The following NFIA variants were observed in gnomAD, a reference collection of about 807,000 sequenced individuals.
The protein encoded by NFIA is nuclear factor I A.
In NFIA, 8 loss-of-function variants were observed where a neutral mutation model predicts 62.8. That is an observed-to-expected ratio of 0.13 (90% CI 0.07 to 0.23). The LOEUF (loss-of-function observed/expected upper bound fraction) is 0.23, where lower values mean the gene tolerates loss of function less well. NFIA is among the 10% of genes least tolerant of loss of function. NFIA has a pLI of 1.00. For missense variants in NFIA, 410 were observed against 642.1 expected, an observed-to-expected ratio of 0.64 and a Z score of 3.91; for synonymous variants, 235 against 238.1, an observed-to-expected ratio of 0.99 and a Z score of 0.12.
chr1:61,237,883 G>T (rs747425004), intron 2 of NFIA, among the ~76,000 whole-genome samples: 1 of 152,188 alleles, frequency 6.6e-6, no homozygotes, highest in Non-Finnish European at 1.5e-5. Context: ...AGATAGTTCT[G>T]TGAGTCAGAA....
intron 2 of NFIA, among the ~76,000 whole-genome samples, chr1:61,216,445 A>C (rs1009071842): frequency 1.3e-5 from 2 of 152,152 alleles, no homozygotes; most frequent in African/African-American, 4.8e-5. Flanking sequence ...TAAAAGGTAG[A>C]TGCAGTCTCA....
rs543908341 is a variant in NFIA at position 61,102,460 on chromosome 1, G to GTTTTT, written c.559+13781_559+13785dup. ...GCTTAAAAAATTTGAAAATCTCTCT[G>GTTTTT]TTTTTGCTACTAAATCTTTAGAACC... is the stretch of plus-strand genomic sequence containing the variant. On this transcript the variant is annotated intron_variant, in intron 2 of 10. Transcript: ENST00000403491. Among the ~76,000 whole-genome samples the GTTTTT allele has an allele frequency of 5.5e-4, 84 of 152,094 alleles. 1 individual carries two copies. The highest frequency in any genetic ancestry group is 2.0e-3 in the African/African-American group (83 of 41,518).
intron 2 of NFIA, among the ~76,000 whole-genome samples, chr1:61,166,834 A>G (rs1416835346): frequency 6.6e-6 from 1 of 152,196 alleles, no homozygotes; most frequent in Non-Finnish European, 1.5e-5. Context: ...TTGTACTTAA[A>G]GAACTTACAT....
rs147133377 is a variant in NFIA at position 61,336,498 on chromosome 1, T to G, written c.700+3912T>G. 3.6e-3 allele frequency among the ~76,000 whole-genome samples: 543 copies of G among 152,322 alleles called. 5 individuals carry two copies. Among genetic ancestry groups the G allele is most frequent in the African/African-American group, 0.013 (523 of 41,576 alleles). On this transcript the variant is annotated intron_variant, in intron 4 of 10. Coordinates refer to ENST00000403491, the MANE Select transcript of NFIA (RefSeq NM_001134673.4). ...TGTTAGTGTGGTACATTTGTTAAAATTCATGAGCCAGTATTGACGCATAAT... is the reference window on the plus strand; with the variant it reads ...TGTTAGTGTGGTACATTTGTTAAAAGTCATGAGCCAGTATTGACGCATAAT...
chr1:61,392,530 A>G (rs1449002394), intron 7 of NFIA, among the ~76,000 whole-genome samples: 2 of 152,180 alleles, frequency 1.3e-5, no homozygotes, highest in African/African-American at 4.8e-5. Context: ...AGCCACCCTC[A>G]TAAAGAGCCA....
At chr1:61,233,099 CT>C (rs1654778216) in intron 2 of NFIA, among the ~76,000 whole-genome samples, 1 of 152,094 alleles carries the variant, frequency 6.6e-6, no homozygotes, top group Non-Finnish European at 1.5e-5. Flanking sequence ...AATGTTCTTT[CT>C]TTTTTCCCCC....
chr1:61,408,446 A>T (rs577870523), intron 9 of NFIA, among the ~76,000 whole-genome samples: 1 of 152,326 alleles, frequency 6.6e-6, no homozygotes, highest in East Asian at 1.9e-4. Context: ...CTCTACTTAC[A>T]TCTGTTCCTT....
At chr1:61,436,279 CA>C (rs1272067216) in intron 10 of NFIA, among the ~76,000 whole-genome samples, 2 of 152,068 alleles carry the variant, frequency 1.3e-5, no homozygotes, top group Admixed American at 1.3e-4. Context: ...CCTGGTTTTG[CA>C]GAGCTTGAGT....
At chr1:61,093,451 A>AT (rs1387484139) in intron 2 of NFIA, among the ~76,000 whole-genome samples, 2 of 152,152 alleles carry the variant, frequency 1.3e-5, no homozygotes, top group Non-Finnish European at 2.9e-5. Flanking sequence ...CTCAAGGTGG[A>AT]TTTTTTGGCT....
chr1:61,188,089 C>T (rs1255836833), intron 2 of NFIA, among the ~76,000 whole-genome samples: 2 of 152,032 alleles, frequency 1.3e-5, no homozygotes, highest in Non-Finnish European at 2.9e-5. Flanking sequence ...GCTCTGTCAC[C>T]CAGGCTGGAG....
At chr1:61,323,364 A>G (rs1016644828) in intron 3 of NFIA, among the ~76,000 whole-genome samples, 1 of 152,236 alleles carries the variant, frequency 6.6e-6, no homozygotes, top group Non-Finnish European at 1.5e-5. Context: ...CCTTACTGTC[A>G]GTCCAACACC....
intron 2 of NFIA, among the ~76,000 whole-genome samples, chr1:61,240,516 A>G (rs536386481): frequency 2.0e-5 from 3 of 152,180 alleles, no homozygotes; most frequent in African/African-American, 7.2e-5. Flanking sequence ...ACCGTACACA[A>G]TGGGGTCTTT....
At chr1:61,446,589 G>A (rs12758810) in intron 10 of NFIA, among the ~76,000 whole-genome samples, 5,011 of 152,288 alleles carry the variant, frequency 0.033, 137 homozygotes, top group Non-Finnish European at 0.049. Context: ...CTGCTGGGGT[G>A]GAGAAGTCCA....
intron 3 of NFIA, among the ~76,000 whole-genome samples, chr1:61,319,626 G>A (rs1660557840): frequency 1.3e-5 from 2 of 152,030 alleles, no homozygotes; most frequent in Non-Finnish European, 2.9e-5. Context: ...AACTCAAGGA[G>A]AGAACTCTAT....
At chr1:61,255,365 A>G (rs1022053465) in intron 2 of NFIA, among the ~76,000 whole-genome samples, 2 of 152,218 alleles carry the variant, frequency 1.3e-5, no homozygotes, top group African/African-American at 4.8e-5. Flanking sequence ...TTCAATATGC[A>G]GTGATTCTCT....
intron 6 of NFIA, among the ~76,000 whole-genome samples, chr1:61,363,240 A>G (rs1044585203): frequency 2.6e-5 from 4 of 152,206 alleles, no homozygotes; most frequent in Admixed American, 6.5e-5. Flanking sequence ...TTCTACACTC[A>G]GTAACCTCTT....
chr1:61,123,124 G>C (rs1013041328), intron 2 of NFIA, among the ~76,000 whole-genome samples: 2 of 152,106 alleles, frequency 1.3e-5, no homozygotes, highest in African/African-American at 4.8e-5. Context: ...TATTTTGCAC[G>C]TTCTTCCATT....
At chr1:61,400,083 G>A (rs1206453016) in intron 7 of NFIA, among the ~76,000 whole-genome samples, 5 of 152,326 alleles carry the variant, frequency 3.3e-5, no homozygotes, top group Non-Finnish European at 7.4e-5. Context: ...GACTGGTGGG[G>A]AGGGAATGAA....
At chr1:61,083,397 C>A (rs1162594793) in intron 1 of NFIA, among the ~76,000 whole-genome samples, 1 of 152,142 alleles carries the variant, frequency 6.6e-6, no homozygotes, top group Admixed American at 6.5e-5. Context: ...TCTTCCCGAA[C>A]TCTTACTTTT....
Sources: allele counts gnomAD v4.1 joint callset (sites outside exome capture counted in the v4.1 genomes callset), GRCh38; gene constraint gnomAD v4.1.1; transcripts MANE v1.5; gene names NCBI Gene and HGNC (gene_info 2026-07-23, HGNC 2026-07-21).